MYO1B: variants seen among roughly 807,000 people sequenced by gnomAD.
MYO1B encodes unconventional myosin-Ib.
MYO1B carries 72 observed loss-of-function variants against 159.7 expected under a neutral mutation model. The observed-to-expected ratio is 0.45, with a 90% CI of 0.37 to 0.55. The LOEUF (loss-of-function observed/expected upper bound fraction) is 0.55, where lower values mean the gene tolerates loss of function less well. Ranked by LOEUF, MYO1B falls within the 20% of genes least tolerant of loss-of-function variation. The probability of loss-of-function intolerance (pLI) is 0.00; values close to 1 mark genes in which losing one functional copy is unlikely to be tolerated. For missense variants in MYO1B, 1,062 were observed against 1,364.8 expected, an observed-to-expected ratio of 0.78 and a Z score of 3.50; for synonymous variants, 468 against 473.8, an observed-to-expected ratio of 0.99 and a Z score of 0.16.
chr2:191,260,739 A>G (rs1291746838), intron 1 of MYO1B, among the ~76,000 whole-genome samples: 1 of 151,822 alleles, frequency 6.6e-6, no homozygotes, highest in East Asian at 1.9e-4. Context: ...TTTAATAGTA[A>G]TTTCTGTGTT....
chr2:191,273,940 T>A (rs1034936824), intron 1 of MYO1B, among the ~76,000 whole-genome samples: 3 of 152,138 alleles, frequency 2.0e-5, no homozygotes, highest in African/African-American at 7.2e-5. Context: ...GTGGAGCAAA[T>A]ACATGAACTA....
At chr2:191,370,124 T>G in intron 12 of MYO1B, 103 bp from the exon 13 acceptor site, 1 of 759,696 alleles carries the variant, frequency 1.3e-6, no homozygotes, top group South Asian at 2.0e-5. Context: ...ATTTTCTTAC[T>G]TAAGAAACAT....
intron 30 of MYO1B, chr2:191,416,451 C>A: frequency 1.8e-6 from 1 of 555,972 alleles, no homozygotes. Flanking sequence ...CCAGTATGTA[C>A]AAATAAAATG....
intron 18 of MYO1B, among the ~76,000 whole-genome samples, chr2:191,391,795 C>A (rs904608445): frequency 4.6e-5 from 7 of 152,214 alleles, no homozygotes; most frequent in African/African-American, 1.7e-4. Flanking sequence ...TGCACACCCT[C>A]CTGGCCCAGG....
At chr2:191,343,854 G>A (rs866449628) in intron 5 of MYO1B, among the ~76,000 whole-genome samples, 2 of 152,310 alleles carry the variant, frequency 1.3e-5, no homozygotes, top group Middle Eastern at 6.8e-3. Flanking sequence ...AGCTGCTACT[G>A]TAAATGAACA....
At chr2:191,323,913 T>C (rs1690889633) in intron 3 of MYO1B, among the ~76,000 whole-genome samples, 2 of 152,056 alleles carry the variant, frequency 1.3e-5, no homozygotes, top group South Asian at 4.1e-4. Flanking sequence ...AAAACAGTCT[T>C]GGAAAAAAAA....
chr2:191,358,227 T>C (rs1013271088), intron 7 of MYO1B, among the ~76,000 whole-genome samples: 3 of 152,142 alleles, frequency 2.0e-5, no homozygotes, highest in South Asian at 2.1e-4. Flanking sequence ...ATTTGTAAAA[T>C]AGGGATTATA....
chr2:191,392,986 T>A (rs920516475), intron 19 of MYO1B, 87 bp from the exon 20 acceptor site: 46 of 1,188,192 alleles, frequency 3.9e-5, no homozygotes, highest in Non-Finnish European at 5.4e-5. Flanking sequence ...TCCAACATGA[T>A]GGCATTTTGT....
chr2:191,290,054 C>A (rs1218364266), intron 2 of MYO1B, among the ~76,000 whole-genome samples: 1 of 152,140 alleles, frequency 6.6e-6, no homozygotes, highest in Non-Finnish European at 1.5e-5. Flanking sequence ...TTGCATATAT[C>A]CTTGTCATCA....
At chr2:191,358,660 T>TAC (rs1204471980) in intron 7 of MYO1B, among the ~76,000 whole-genome samples, 3 of 152,230 alleles carry the variant, frequency 2.0e-5, no homozygotes, top group African/African-American at 7.2e-5. Flanking sequence ...CTTGACCTAC[T>TAC]ACAGTTTGCT....
chr2:191,306,578 T>C (rs1032118883), intron 3 of MYO1B, among the ~76,000 whole-genome samples: 3 of 151,978 alleles, frequency 2.0e-5, no homozygotes, highest in Admixed American at 1.3e-4. Flanking sequence ...CGTGGTAGGC[T>C]TTTGCAGTAA....
chr2:191,330,439 C>T (rs1691396133), intron 4 of MYO1B, among the ~76,000 whole-genome samples: 1 of 152,262 alleles, frequency 6.6e-6, no homozygotes, highest in South Asian at 2.1e-4. Context: ...CAGAAAAATG[C>T]TAACATTTTA....
At chr2:191,272,867 G>A (rs1001534414) in intron 1 of MYO1B, among the ~76,000 whole-genome samples, 2 of 152,178 alleles carry the variant, frequency 1.3e-5, no homozygotes, top group South Asian at 4.1e-4. Context: ...CTGTGCCTTA[G>A]ATCAGCCAGT....
intron 3 of MYO1B, among the ~76,000 whole-genome samples, chr2:191,314,006 G>A (rs1690192458): frequency 6.6e-6 from 1 of 152,316 alleles, no homozygotes; most frequent in East Asian, 1.9e-4. Context: ...TTGTCTGCTA[G>A]GATTATTTCA....
At chr2:191,399,533 C>T (rs556294506) in intron 21 of MYO1B, among the ~76,000 whole-genome samples, 42 of 152,274 alleles carry the variant, frequency 2.8e-4, no homozygotes, top group African/African-American at 9.6e-4. Context: ...TTACTGATCC[C>T]TGATCTAGGT....
chr2:191,342,929 G>GT (rs1692315324), intron 5 of MYO1B, among the ~76,000 whole-genome samples: 1 of 152,046 alleles, frequency 6.6e-6, no homozygotes, highest in South Asian at 2.1e-4. Context: ...GCTTTATATT[G>GT]TAAGCATGTC....
At chr2:191,291,697 A>G (rs1021463109) in intron 2 of MYO1B, among the ~76,000 whole-genome samples, 1 of 152,212 alleles carries the variant, frequency 6.6e-6, no homozygotes, top group South Asian at 2.1e-4. Flanking sequence ...TTAGAGCGTG[A>G]TGCAATAAGA....
chr2:191,249,529 A>G (rs373293599), intron 1 of MYO1B, among the ~76,000 whole-genome samples: 1 of 152,240 alleles, frequency 6.6e-6, no homozygotes, highest in East Asian at 1.9e-4. Context: ...TAGCAGTGGT[A>G]TCTGTCCTTA....
chr2:191,371,437 C>T (rs1430029610), intron 13 of MYO1B, among the ~76,000 whole-genome samples: 1 of 152,134 alleles, frequency 6.6e-6, no homozygotes, highest in African/African-American at 2.4e-5. Context: ...TATGTAAGCA[C>T]TGTGGTAAGT....
Sources: gnomAD v4.1 joint callset for allele counts (sites outside exome capture counted in the v4.1 genomes callset) on GRCh38, gnomAD v4.1.1 for gene constraint, MANE v1.5 for transcripts, NCBI Gene and HGNC (gene_info 2026-07-23, HGNC 2026-07-21) for gene names.